Variants in ANO2 observed in about 807,000 individuals in gnomAD.
ANO2 encodes the protein anoctamin 2.
In ANO2, 101 loss-of-function variants were observed where a neutral mutation model predicts 124.2. That is an observed-to-expected ratio of 0.81 (90% confidence interval 0.69 to 0.96). The LOEUF (loss-of-function observed/expected upper bound fraction) is 0.96. Among genes scored for constraint, ANO2 ranks in the 40% least tolerant of loss-of-function variants. The probability of loss-of-function intolerance (pLI) is 0.00; values close to 1 mark genes in which losing one functional copy is unlikely to be tolerated. For missense variants in ANO2, 1,293 were observed against 1,274.5 expected (o/e 1.01, Z -0.22); for synonymous variants, 486 against 482.5 (o/e 1.01, Z -0.09).
chr12:5,901,633 G>A (rs991715379), intron 3 of ANO2, among the ~76,000 whole-genome samples: 2 of 152,166 alleles, frequency 1.3e-5, no homozygotes, highest in African/African-American at 4.8e-5. Flanking sequence ...TACGGTGAGT[G>A]GACCTGCTCG....
rs79118749 is a variant in ANO2, at chr12:5,572,021, G to A, written c.2621+3813C>T. ...ATTTCACAGTAGGGCATCTCTTTATGTTAAACATAACCCTCAGTGTAACCC... is the reference window on the plus strand; with the variant it reads ...ATTTCACAGTAGGGCATCTCTTTATATTAAACATAACCCTCAGTGTAACCC... On this transcript the variant is annotated intron_variant, in intron 23 of 24. Transcript: ENST00000682330. Among the ~76,000 whole-genome samples, 46 of 152,184 alleles carry A rather than the reference G, an allele frequency of 3.0e-4. 1 individual carries two copies. In the East Asian group the frequency reaches 5.8e-3, roughly 19 times the overall value.
intron 19 of ANO2, among the ~76,000 whole-genome samples, chr12:5,612,263 T>C (rs1462541681): frequency 2.6e-5 from 4 of 152,230 alleles, no homozygotes; most frequent in African/African-American, 4.8e-5. Context: ...CCACATTTTC[T>C]TCGTATAGAT....
intron 20 of ANO2, among the ~76,000 whole-genome samples, chr12:5,591,287 T>C (rs1300687560): frequency 6.6e-6 from 1 of 152,132 alleles, no homozygotes; most frequent in Non-Finnish European, 1.5e-5. Flanking sequence ...CCCTGCTTCT[T>C]AGGGGAAAGG....
At chr12:5,739,262 T>C in intron 13 of ANO2, 55 bp downstream of exon 13, 2 of 1,471,322 alleles carry the variant, frequency 1.4e-6, no homozygotes, top group South Asian at 1.2e-5. Flanking sequence ...ATTTCCAGGG[T>C]CAAAACAAAG....
chr12:5,806,107 G>C lies in ANO2; in HGVS notation c.949-14C>G, dbSNP rs1228599361. The C allele has an allele frequency of 6.2e-7, 1 of 1,612,800 alleles. No homozygotes were observed. Among genetic ancestry groups the C allele is most frequent in the East Asian group, 2.2e-5 (1 of 44,842 alleles). On this transcript the variant is annotated splice_polypyrimidine_tract_variant and intron_variant, in intron 8 of 24. Coordinates refer to ENST00000682330, the MANE Select transcript of ANO2 (RefSeq NM_001364791.2). The stretch of plus-strand genomic sequence containing the variant: ...ATCGTATTCACCCTGTGGAGAAAAA[G>C]TGATGCTGGATAAAGCCAATGAAAT...
At chr12:5,565,513 T>G in intron 24 of ANO2, 45 bp downstream of exon 24, 4 of 1,500,110 alleles carry the variant, frequency 2.7e-6, no homozygotes, top group Non-Finnish European at 3.6e-6. Flanking sequence ...TCCTTACTCC[T>G]GCAGCCCGGA....
Position 5,563,050 on chromosome 12 carries a change from CA to C in ANO2, c.*248del. On this transcript the variant is annotated 3_prime_UTR_variant, in exon 25 of 25. Transcript: ENST00000682330. ...AGACCCCAGTGGGGTTCCAATCCCT[CA>C]AAAGGATGCAGCTTAAAAGGGGACC... 1 of 568,912 alleles carries C rather than the reference CA, an allele frequency of 1.8e-6. No individual in the cohort carries two copies. Among genetic ancestry groups the C allele is most frequent in the Non-Finnish European group, 3.0e-6 (1 of 331,364 alleles). 35.2% of individuals were successfully genotyped at this position (568,912 alleles called of 1,614,324 possible).
intron 3 of ANO2, among the ~76,000 whole-genome samples, chr12:5,861,627 C>A (rs952625017): frequency 6.6e-6 from 1 of 152,184 alleles, no homozygotes; most frequent in African/African-American, 2.4e-5. Flanking sequence ...GTACTCTGGT[C>A]CCGGGCCCTG....
intron 24 of ANO2, 133 bp from the exon 25 acceptor site, chr12:5,563,701 A>C: frequency 1.7e-6 from 2 of 1,189,934 alleles, no homozygotes. Flanking sequence ...ACCAGTGAGC[A>C]TAACTCTACC....
intron 4 of ANO2, among the ~76,000 whole-genome samples, chr12:5,835,716 T>C (rs926131513): frequency 6.6e-6 from 1 of 152,222 alleles, no homozygotes; most frequent in Non-Finnish European, 1.5e-5. Flanking sequence ...TGAGTTGTCA[T>C]GGGAAAAGCA....
At chr12:5,686,131 G>GCT (rs1399773560) in intron 14 of ANO2, among the ~76,000 whole-genome samples, 2 of 152,158 alleles carry the variant, frequency 1.3e-5, no homozygotes, top group Non-Finnish European at 2.9e-5. Context: ...GTCCCGGGTA[G>GCT]CTCTCGAGAA....
intron 10 of ANO2, among the ~76,000 whole-genome samples, chr12:5,774,765 G>A (rs576416508): frequency 2.6e-3 from 399 of 152,184 alleles, no homozygotes; most frequent in Non-Finnish European, 4.6e-3. Context: ...CAAAGCCCAG[G>A]TCCTGCCCCC....
rs569745173 is a variant in ANO2 at position 5,913,931 on chromosome 12, G to A, written c.534+7109C>T. Among the ~76,000 whole-genome samples the A allele has an allele frequency of 2.0e-5, 3 of 152,342 alleles. No individual in the cohort carries two copies. In the East Asian group the frequency reaches 5.8e-4, roughly 29 times the overall value. ...TGGCGACAGAGCCTGAGAAACAGTGGCAGCTGGTTTTAAGAAAGTGAAGCC... is the reference window on the plus strand; with the variant it reads ...TGGCGACAGAGCCTGAGAAACAGTGACAGCTGGTTTTAAGAAAGTGAAGCC... On this transcript the variant is annotated intron_variant, in intron 3 of 24. Coordinates refer to ENST00000682330, the MANE Select transcript of ANO2 (RefSeq NM_001364791.2).
intron 14 of ANO2, among the ~76,000 whole-genome samples, chr12:5,683,177 TAA>T (rs1440805880): frequency 1.3e-5 from 2 of 152,192 alleles, no homozygotes; most frequent in African/African-American, 4.8e-5. Flanking sequence ...ATTATCATCA[TAA>T]GTCTTCCATC....
chr12:5,563,903 G>A (rs1941597684), intron 24 of ANO2, among the ~76,000 whole-genome samples: 1 of 152,212 alleles, frequency 6.6e-6, no homozygotes, highest in Non-Finnish European at 1.5e-5. Context: ...GTGTTCCCAT[G>A]TGTCCAGTTC....
At chr12:5,926,478 T>C (rs1267060935) in intron 1 of ANO2, among the ~76,000 whole-genome samples, 2 of 152,046 alleles carry the variant, frequency 1.3e-5, no homozygotes, top group Non-Finnish European at 2.9e-5. Flanking sequence ...ACCCCCTCTC[T>C]CCTGCTGGCT....
At chr12:5,664,167 T>C (rs1008549507) in intron 14 of ANO2, among the ~76,000 whole-genome samples, 2 of 152,242 alleles carry the variant, frequency 1.3e-5, no homozygotes, top group African/African-American at 4.8e-5. Flanking sequence ...CTTGGTGGTC[T>C]GGGTATGTGC....
intron 20 of ANO2, among the ~76,000 whole-genome samples, chr12:5,587,787 C>A (rs1051796893): frequency 9.2e-5 from 14 of 152,198 alleles, no homozygotes; most frequent in Non-Finnish European, 7.3e-5. Flanking sequence ...CAGCCCATCC[C>A]CACATCCACT....
chr12:5,830,337 G>C, intron 6 of ANO2, 98 bp downstream of exon 6: 1 of 1,238,436 alleles, frequency 8.1e-7, no homozygotes, highest in Admixed American at 2.1e-5. Context: ...AGCAAATAAC[G>C]GTGTGAGGTG....
Sources: gnomAD v4.1 joint callset for allele counts (sites outside exome capture counted in the v4.1 genomes callset) on GRCh38, gnomAD v4.1.1 for gene constraint, MANE v1.5 for transcripts, NCBI Gene and HGNC (gene_info 2026-07-23, HGNC 2026-07-21) for gene names.